ARMC3: variants seen among roughly 807,000 people sequenced by gnomAD.
The protein encoded by ARMC3 is armadillo repeat containing 3, also known as armadillo repeat-containing protein 3.
In ARMC3, 74 loss-of-function variants were observed where a neutral mutation model predicts 90.3. The ratio of observed to expected loss-of-function variants is 0.82; its 90% CI spans 0.68 to 0.99. The LOEUF (loss-of-function observed/expected upper bound fraction) is 0.99. Ranked by LOEUF, ARMC3 falls within the 50% of genes least tolerant of loss-of-function variation. The pLI, the probability that ARMC3 is intolerant of heterozygous loss-of-function variation, is 0.00. For missense variants in ARMC3, 958 were observed against 1,042.8 expected (o/e 0.92, Z 1.12); for synonymous variants, 334 against 361.8 (o/e 0.92, Z 0.87).
At chr10:23,024,399 T>TAGAC (rs1227407535) in intron 16 of ARMC3, among the ~76,000 whole-genome samples, 2 of 122,146 alleles carry the variant, frequency 1.6e-5, no homozygotes, top group African/African-American at 5.2e-5. Context: ...GCCACATAGA[T>TAGAC]AGATAGATAG....
chr10:22,948,543 A>C (rs2131198110), intron 3 of ARMC3, among the ~76,000 whole-genome samples: 1 of 152,284 alleles, frequency 6.6e-6, no homozygotes, highest in African/African-American at 2.4e-5. Context: ...AATATGTGAA[A>C]GTAGAGTAGA....
chr10:22,933,778 G>T (rs565897040), intron 2 of ARMC3, among the ~76,000 whole-genome samples: 1 of 152,120 alleles, frequency 6.6e-6, no homozygotes, highest in Admixed American at 6.5e-5. Flanking sequence ...CCAGCTACTC[G>T]GGAGGCTGAA....
intron 1 of ARMC3, among the ~76,000 whole-genome samples, chr10:22,931,548 A>G (rs1833931907): frequency 6.6e-6 from 1 of 152,182 alleles, no homozygotes; most frequent in Non-Finnish European, 1.5e-5. Context: ...TCAAATGCCA[A>G]TTATGTACCA....
intron 10 of ARMC3, among the ~76,000 whole-genome samples, chr10:22,996,324 T>C (rs1238602344): frequency 6.6e-6 from 1 of 152,136 alleles, no homozygotes; most frequent in Non-Finnish European, 1.5e-5. Context: ...GAAATTATCT[T>C]AAGAATGCTT....
At chr10:22,935,271 AG>A (rs1834068075) in intron 2 of ARMC3, among the ~76,000 whole-genome samples, 1 of 152,190 alleles carries the variant, frequency 6.6e-6, no homozygotes, top group Admixed American at 6.5e-5. Context: ...GAAGAGGGTG[AG>A]GTCTCCTGAG....
chr10:22,994,712 ATTAT>A (rs1346450050), intron 10 of ARMC3, among the ~76,000 whole-genome samples: 1 of 152,102 alleles, frequency 6.6e-6, no homozygotes, highest in Non-Finnish European at 1.5e-5. Context: ...CTCTTAGGAG[ATTAT>A]TTATATCAAC....
chr10:22,938,339 A>G (rs1422099664), intron 2 of ARMC3, among the ~76,000 whole-genome samples: 1 of 152,192 alleles, frequency 6.6e-6, no homozygotes, highest in Non-Finnish European at 1.5e-5. Flanking sequence ...ACCACGTAGG[A>G]CGTTAGGTTA....
At chr10:22,941,511 G>C (rs375090403) in intron 2 of ARMC3, among the ~76,000 whole-genome samples, 16 of 152,268 alleles carry the variant, frequency 1.1e-4, no homozygotes, top group African/African-American at 3.6e-4. Context: ...TGTGAGAATA[G>C]GAGATTGAGT....
At chr10:22,998,731 G>A (rs150498390) in intron 11 of ARMC3, among the ~76,000 whole-genome samples, 4 of 152,152 alleles carry the variant, frequency 2.6e-5, no homozygotes, top group East Asian at 1.9e-4. Context: ...ATAATGCATC[G>A]TGCTGTAGCC....
chr10:22,973,794 T>G (rs1423254012), intron 8 of ARMC3, among the ~76,000 whole-genome samples: 2 of 143,086 alleles, frequency 1.4e-5, no homozygotes, highest in Non-Finnish European at 3.0e-5. Context: ...AATCTCGCTC[T>G]GTCACCCAGG....
intron 10 of ARMC3, among the ~76,000 whole-genome samples, chr10:22,986,371 G>A (rs1836439922): frequency 6.6e-6 from 1 of 151,844 alleles, no homozygotes; most frequent in South Asian, 2.1e-4. Flanking sequence ...GGCCAACATG[G>A]CAAAACCCCA....
chr10:22,944,839 A>G (rs1037165289), intron 2 of ARMC3, among the ~76,000 whole-genome samples: 2 of 152,184 alleles, frequency 1.3e-5, no homozygotes, highest in Non-Finnish European at 2.9e-5. Flanking sequence ...GCTCAGCTAG[A>G]GGCCACCTTT....
chr10:23,008,985 G>T, intron 16 of ARMC3, 54 bp downstream of exon 16: 2 of 1,466,368 alleles, frequency 1.4e-6, no homozygotes, highest in Non-Finnish European at 1.9e-6. Context: ...GGAAGGGAGG[G>T]GTGGCTCTTC....
chr10:22,946,143 G>C lies in ARMC3; in HGVS notation c.49-1G>C. 6.3e-7 allele frequency: 1 copy of C among 1,593,760 alleles called. No homozygotes were observed. The highest frequency in any genetic ancestry group is 8.6e-7 in the Non-Finnish European group (1 of 1,166,516). The stretch of plus-strand genomic sequence containing the variant: ...CTGATAGTTTTCTTTCTGCCTTTCA[G>C]TTTGACCCATTAATGATTGAAAGCA... On this transcript the variant is annotated splice_acceptor_variant, in intron 2 of 18. Coordinates refer to ENST00000298032, the MANE Select transcript of ARMC3 (RefSeq NM_173081.5). LOFTEE classifies it high-confidence loss of function.
At chr10:23,029,726 A>C (rs1275050096) in intron 16 of ARMC3, among the ~76,000 whole-genome samples, 1 of 152,230 alleles carries the variant, frequency 6.6e-6, no homozygotes, top group Admixed American at 6.5e-5. Flanking sequence ...CTAACTAGTA[A>C]TTCTCTAAGA....
At chr10:22,955,375 C>G (rs916051933) in intron 3 of ARMC3, 6 of 159,832 alleles carry the variant, frequency 3.8e-5, no homozygotes, top group African/African-American at 1.4e-4. Flanking sequence ...CCGGCACTGT[C>G]CTAGGCACCC....
At chr10:22,963,954 TAACA>T (rs1198854199) in intron 7 of ARMC3, among the ~76,000 whole-genome samples, 1 of 73,250 alleles carries the variant, frequency 1.4e-5, no homozygotes, top group East Asian at 4.5e-4. Context: ...AAAAAAAGAC[TAACA>T]AACTGGAAAG....
intron 18 of ARMC3, among the ~76,000 whole-genome samples, chr10:23,035,092 G>T (rs1481882015): frequency 2.6e-5 from 4 of 152,164 alleles, no homozygotes; most frequent in Non-Finnish European, 4.4e-5. Context: ...AGTGCCAGCA[G>T]ATTCAGTGTC....
chr10:23,023,157 G>A (rs1379063787), intron 16 of ARMC3, among the ~76,000 whole-genome samples: 1 of 152,120 alleles, frequency 6.6e-6, no homozygotes, highest in Non-Finnish European at 1.5e-5. Context: ...TTGCAGCCCT[G>A]AAATACCTAT....
Sources: allele counts gnomAD v4.1 joint callset (sites outside exome capture counted in the v4.1 genomes callset), GRCh38; gene constraint gnomAD v4.1.1; transcripts MANE v1.5; gene names NCBI Gene and HGNC (gene_info 2026-07-23, HGNC 2026-07-21).